Variants in ATG7 observed in about 807,000 individuals in gnomAD.
ATG7 encodes ubiquitin-like modifier-activating enzyme ATG7.
ATG7 carries 70 observed loss-of-function variants against 82.4 expected under a neutral mutation model. The observed-to-expected ratio is 0.85, with a 90% CI of 0.70 to 1.04. The LOEUF (loss-of-function observed/expected upper bound fraction) is 1.04, where lower values mean the gene tolerates loss of function less well. ATG7 is among the 50% of genes least tolerant of loss of function. The probability of loss-of-function intolerance (pLI) is 0.00; values close to 1 mark genes in which losing one functional copy is unlikely to be tolerated. For missense variants in ATG7, 792 were observed against 864.3 expected, an observed-to-expected ratio of 0.92 and a Z score of 1.05; for synonymous variants, 287 against 313.0, an observed-to-expected ratio of 0.92 and a Z score of 0.88.
At chr3:11,498,618 G>C (rs1384350287) in intron 20 of ATG7, among the ~76,000 whole-genome samples, 1 of 152,184 alleles carries the variant, frequency 6.6e-6, no homozygotes, top group Non-Finnish European at 1.5e-5. Context: ...CGCCTCAGCT[G>C]GTGCTCCAAG....
chr3:11,558,714 C>A, downstream of ATG7: 1 of 1,614,102 alleles, frequency 6.2e-7, no homozygotes, highest in Non-Finnish European at 8.5e-7. Context: ...GCAAAGTGGT[C>A]GTCCACGGAG....
chr3:11,415,116 T>C (rs532426323), intron 19 of ATG7, among the ~76,000 whole-genome samples: 5 of 152,380 alleles, frequency 3.3e-5, no homozygotes, highest in Admixed American at 2.6e-4. Context: ...TATGTAACTG[T>C]AATGAACACT....
At chr3:11,481,983 C>T (rs1233120676) in intron 20 of ATG7, among the ~76,000 whole-genome samples, 2 of 152,332 alleles carry the variant, frequency 1.3e-5, no homozygotes, top group Admixed American at 1.3e-4. Context: ...GCCCCTTGCC[C>T]TTGAGGCTCC....
At chr3:11,430,887 T>C (rs1178822384) in intron 20 of ATG7, among the ~76,000 whole-genome samples, 1 of 152,202 alleles carries the variant, frequency 6.6e-6, no homozygotes, top group African/African-American at 2.4e-5. Flanking sequence ...GAGTAGACTA[T>C]TTTTAAAAAT....
chr3:11,538,370 A>C (rs1459462901), intron 20 of ATG7, among the ~76,000 whole-genome samples: 2 of 152,146 alleles, frequency 1.3e-5, no homozygotes, highest in Non-Finnish European at 2.9e-5. Context: ...CAGAAGCTGC[A>C]GTGGAAATGA....
chr3:11,508,240 G>C (rs74719560), intron 20 of ATG7, among the ~76,000 whole-genome samples: 2 of 151,780 alleles, frequency 1.3e-5, no homozygotes, highest in East Asian at 1.9e-4. Context: ...TGTCTAAGGT[G>C]GGGGGGTGTC....
chr3:11,493,828 C>A (rs1344525001), intron 20 of ATG7, among the ~76,000 whole-genome samples: 2 of 152,136 alleles, frequency 1.3e-5, no homozygotes, highest in African/African-American at 2.4e-5. Flanking sequence ...AGATTCGGTA[C>A]CAAGTTAAAC....
intron 14 of ATG7, among the ~76,000 whole-genome samples, chr3:11,352,736 T>C (rs1305802773): frequency 2.0e-5 from 3 of 152,240 alleles, no homozygotes; most frequent in Non-Finnish European, 1.5e-5. Flanking sequence ...AAGGGATAAG[T>C]AGACATTGCT....
intron 20 of ATG7, among the ~76,000 whole-genome samples, chr3:11,485,977 A>T (rs1166226907): frequency 6.6e-6 from 1 of 152,182 alleles, no homozygotes; most frequent in African/African-American, 2.4e-5. Flanking sequence ...AGGTAGCGTG[A>T]TGCCTCCAGC....
intron 18 of ATG7, among the ~76,000 whole-genome samples, chr3:11,377,679 A>C (rs1205544632): frequency 6.6e-6 from 1 of 152,226 alleles, no homozygotes; most frequent in Non-Finnish European, 1.5e-5. Flanking sequence ...GGCTGTGTTA[A>C]AAAACTTTAA....
At chr3:11,550,009 T>C (rs1269298352) in intron 20 of ATG7, among the ~76,000 whole-genome samples, 1 of 152,238 alleles carries the variant, frequency 6.6e-6, no homozygotes, top group Non-Finnish European at 1.5e-5. Flanking sequence ...TTTGCCATTA[T>C]ATTTCCTCTT....
intron 20 of ATG7, among the ~76,000 whole-genome samples, chr3:11,428,363 A>T (rs563479460): frequency 2.3e-4 from 34 of 147,850 alleles, no homozygotes; most frequent in African/African-American, 8.5e-4. Context: ...GAAATACCAA[A>T]GTCAGACCCA....
intron 18 of ATG7, among the ~76,000 whole-genome samples, chr3:11,374,674 G>A (rs9828596): frequency 7.2e-4 from 109 of 152,200 alleles, no homozygotes; most frequent in African/African-American, 2.1e-3. Flanking sequence ...GGGAGTCCGA[G>A]GCGGGCAGAT....
chr3:11,445,601 G>GA (rs2084466852), intron 20 of ATG7, among the ~76,000 whole-genome samples: 1 of 152,144 alleles, frequency 6.6e-6, no homozygotes, highest in African/African-American at 2.4e-5. Flanking sequence ...CCTGGGTGAT[G>GA]AAATAATCTG....
At chr3:11,558,604 GGGGCTGGC>G, downstream of ATG7, 3 of 1,606,352 alleles carry the variant, frequency 1.9e-6, no homozygotes, top group Middle Eastern at 1.6e-4. Flanking sequence ...TGTGGGCAGA[GGGGCTGGC>G]GGGCTGGCCC....
In ATG7 at chr3:11,430,330, T is replaced by A. The variant is rs370126792; in HGVS notation, c.2079+3404T>A. Among the ~76,000 whole-genome samples the A allele has an allele frequency of 6.6e-5, 10 of 152,232 alleles. No individual in the cohort carries two copies. The East Asian group carries it at 1.5e-3, about 23-fold the overall frequency. ...CAAAATATATAAATATATGTTAAAA[T>A]ATATATATACCTTTACGTATATCTG... On this transcript the variant is annotated intron_variant, in intron 20 of 20. Transcript: ENST00000693202.
Position 11,475,868 on chromosome 3 carries a change from G to GACACACACACACACACACACACAC in ATG7, c.2079+48959_2079+48982dup, listed in dbSNP as rs3219674. Among the ~76,000 whole-genome samples, 92 of 111,182 alleles carry GACACACACACACACACACACACAC rather than the reference G, an allele frequency of 8.3e-4. 1 individual carries two copies. Among genetic ancestry groups the GACACACACACACACACACACACAC allele is most frequent in the East Asian group, 2.7e-3 (10 of 3,662 alleles). 72.9% of individuals were successfully genotyped at this position (111,182 alleles called of 152,430 possible). ...TCTATGTCCATCTCTCTGTCTCTGA[G>GACACACACACACACACACACACAC]ACACACACACACACACACACACACA... On this transcript the variant is annotated intron_variant, in intron 20 of 20. Coordinates refer to ENST00000693202, the MANE Select transcript of ATG7 (RefSeq NM_001349232.2).
chr3:11,356,638 A>C (rs2075952541), intron 14 of ATG7, among the ~76,000 whole-genome samples: 1 of 152,260 alleles, frequency 6.6e-6, no homozygotes, highest in African/African-American at 2.4e-5. Context: ...TGGTGTCATG[A>C]AAATATATAC....
At chr3:11,420,186 AAC>A (rs1430118040) in intron 19 of ATG7, among the ~76,000 whole-genome samples, 3 of 152,218 alleles carry the variant, frequency 2.0e-5, no homozygotes, top group African/African-American at 7.2e-5. Flanking sequence ...AGCCACTTAT[AAC>A]ACAGATTAAC....
Sources: allele counts gnomAD v4.1 joint callset (sites outside exome capture counted in the v4.1 genomes callset), GRCh38; gene constraint gnomAD v4.1.1; transcripts MANE v1.5; gene names NCBI Gene and HGNC (gene_info 2026-07-23, HGNC 2026-07-21).